VWA1: variants seen among roughly 807,000 people sequenced by gnomAD.
The protein encoded by VWA1 is von Willebrand factor A domain containing 1, also known as von Willebrand factor A domain-containing protein 1.
VWA1 carries 12 observed loss-of-function variants against 14.9 expected under a neutral mutation model. The ratio of observed to expected loss-of-function variants is 0.80; its 90% confidence interval spans 0.52 to 1.30. The LOEUF is 1.30. VWA1 is among the 50% of genes most tolerant of loss of function. VWA1 has a pLI of 0.00. For missense variants in VWA1, 800 were observed against 649.1 expected (o/e 1.23, Z -2.53); for synonymous variants, 368 against 310.7 (o/e 1.18, Z -1.94).
In VWA1 at chr1:1,435,690, A is replaced by C. The variant is rs1638520233; in HGVS notation, c.-59A>C. 3.0e-5 allele frequency: 34 copies of C among 1,133,824 alleles called. No homozygotes were observed. The South Asian group carries it at 7.1e-4, about 24-fold the overall frequency. 70.2% of individuals were successfully genotyped at this position (1,133,824 alleles called of 1,614,324 possible). ...TGGTCCGCGCGGTGACGCGCCCTGC[A>C]GCCCCGAGCGAGCGAGCGAGCGAGC... is the stretch of plus-strand genomic sequence containing the variant. On this transcript the variant is annotated 5_prime_UTR_variant, in exon 1 of 3. Transcript: ENST00000476993.
chr1:1,439,695 TC>T lies in VWA1; in HGVS notation c.1248del (p.Ala417ProfsTer122). ...AFRSGRESALSAKACTPDGPR... is the reference protein window; with the variant it reads ...AFRSGRESALXAKACTPDGPR... ...CCGCTCGGGCCGCGAGAGCGCGCTGTCCGCCAAGGCCTGCACGCCCGACGGC... is the reference window on the plus strand; with the variant it reads ...CCGCTCGGGCCGCGAGAGCGCGCTGTCGCCAAGGCCTGCACGCCCGACGGC... On this transcript the variant is annotated frameshift_variant, in exon 3 of 3. Coordinates refer to ENST00000476993, the MANE Select transcript of VWA1 (RefSeq NM_022834.5). LOFTEE classifies it low-confidence loss of function (END_TRUNC). 7.9e-7 allele frequency: 1 copy of T among 1,267,236 alleles called. No individual in the cohort carries two copies. Among genetic ancestry groups the T allele is most frequent in the Non-Finnish European group, 1.0e-6 (1 of 996,848 alleles). The allele number at this position is 1,267,236 out of a possible 1,614,324, so 78.5% of individuals were successfully genotyped here. A position where few individuals can be genotyped will look rare whatever the true frequency, so the allele number is the denominator to read the frequency against.
chr1:1,438,454 A>T (rs918269834), intron 2 of VWA1, among the ~76,000 whole-genome samples: 1 of 152,196 alleles, frequency 6.6e-6, no homozygotes, highest in Non-Finnish European at 1.5e-5. Flanking sequence ...GGCACCCAGC[A>T]CTGCAGGAGG....
intron 1 of VWA1, among the ~76,000 whole-genome samples, chr1:1,436,404 AT>A (rs1344818460): frequency 2.6e-5 from 4 of 152,052 alleles, no homozygotes; most frequent in Admixed American, 2.6e-4. Flanking sequence ...AGGGGCCACC[AT>A]CTAGTAAGCG....
Position 1,437,120 on chromosome 1 carries a change from C to T in VWA1, c.267C>T (p.Gly89=). 6.2e-7 allele frequency: 1 copy of T among 1,605,892 alleles called. No individual in the cohort carries two copies. Among genetic ancestry groups the T allele is most frequent in the Non-Finnish European group, 8.5e-7 (1 of 1,175,090 alleles). Residue 89 remains glycine, a synonymous_variant, in exon 2 of 3, where the codon GGC becomes GGT. Coordinates refer to ENST00000476993, the MANE Select transcript of VWA1 (RefSeq NM_022834.5). ...GSRPYTEFPF[G]QHSSGEAAQD... is the part of the protein sequence containing the mutation. ...GGCCATACACCGAGTTCCCCTTCGG[C>T]CAGCACAGCTCGGGTGAGGCTGCCC... is the stretch of plus-strand genomic sequence containing the variant.
rs761342920 is a variant in VWA1, at chr1:1,439,222, G to C, written c.773G>C (p.Arg258Pro). Reference protein sequence around the residue: ...VPSAQPGAARRQQLPGNATDW... With the variant: ...VPSAQPGAARPQQLPGNATDW... The stretch of plus-strand genomic sequence containing the variant: ...AGCGCCCAGCCGGGGGCTGCAAGAC[G>C]CCAGCAGCTGCCAGGGAACGCCACG... Residue 258 changes from arginine to proline, a missense_variant, in exon 3 of 3, where the codon CGC becomes CCC. Transcript: ENST00000476993. 1 of 1,607,034 alleles carries C rather than the reference G, an allele frequency of 6.2e-7. No individual in the cohort carries two copies. Among genetic ancestry groups the C allele is most frequent in the Non-Finnish European group, 8.5e-7 (1 of 1,179,008 alleles).
Position 1,437,063 on chromosome 1 carries a change from C to A in VWA1, c.210C>A (p.Ala70=). Residue 70 remains alanine, a synonymous_variant, in exon 2 of 3, where the codon GCC becomes GCA. Coordinates refer to ENST00000476993, the MANE Select transcript of VWA1 (RefSeq NM_022834.5). ...LVAPLPLGTG[A]LRASLVHVGS... is the part of the protein sequence containing the mutation. ...CTCCACTGCCCCTGGGCACCGGGGC[C>A]CTGCGTGCCAGTCTGGTGCACGTGG... is the stretch of plus-strand genomic sequence containing the variant. 1 of 1,610,384 alleles carries A rather than the reference C, an allele frequency of 6.2e-7. No individual in the cohort carries two copies. The highest frequency in any genetic ancestry group is 8.5e-7 in the Non-Finnish European group (1 of 1,178,652).
Position 1,439,385 on chromosome 1 carries a change from C to T in VWA1, c.936C>T (p.Gly312=). 1 of 1,486,718 alleles carries T rather than the reference C, an allele frequency of 6.7e-7. No homozygotes were observed. The highest frequency in any genetic ancestry group is 8.9e-7 in the Non-Finnish European group (1 of 1,125,668). 92.1% of individuals were successfully genotyped at this position (1,486,718 alleles called of 1,614,324 possible). Residue 312 remains glycine, a synonymous_variant, in exon 3 of 3, where the codon GGC becomes GGT. Coordinates refer to ENST00000476993, the MANE Select transcript of VWA1 (RefSeq NM_022834.5). ...RPGEAGPGAS[G]PESGAGPAPT... is the part of the protein sequence containing the mutation. ...GTGAGGCAGGGCCGGGGGCTTCGGG[C>T]CCGGAGTCGGGGGCTGGGCCGGCCC...
Position 1,435,773 on chromosome 1 carries a change from C to T in VWA1, c.25C>T (p.Leu9=). 2 of 1,226,622 alleles carry T rather than the reference C, an allele frequency of 1.6e-6. No individual in the cohort carries two copies. The highest frequency in any genetic ancestry group is 2.0e-6 in the Non-Finnish European group (2 of 977,982). 76.0% of individuals were successfully genotyped at this position (1,226,622 alleles called of 1,614,324 possible). A position where few individuals can be genotyped will look rare whatever the true frequency, so the allele number is the denominator to read the frequency against. The change falls in exon 1 of 3, where the codon CTG becomes TTG. Residue 9 remains leucine, a synonymous_variant. Transcript: ENST00000476993. ...GATGCTCCCCTGGACGGCGCTCGGC[C>T]TGGCCCTGAGCTTGCGGCTGGCGCT... The part of the protein sequence containing the change: MLPWTALG[L]ALSLRLALAR...
intron 1 of VWA1, 55 bp downstream of exon 1, chr1:1,435,876 C>A: frequency 9.6e-7 from 1 of 1,047,094 alleles, no homozygotes; most frequent in Non-Finnish European, 1.2e-6. Context: ...CCGCTCTGCG[C>A]CGCTGCCCGC....
At chr1:1,437,562 G>A (rs374835332) in intron 2 of VWA1, 78 bp downstream of exon 2, 2 of 1,516,286 alleles carry the variant, frequency 1.3e-6, no homozygotes, top group East Asian at 2.3e-5. Flanking sequence ...ACTTTGGGAA[G>A]ATCTCATGTC....
In VWA1 at chr1:1,439,811, A is replaced by T. The variant is rs1166357406; in HGVS notation, c.*24A>T. On this transcript the variant is annotated 3_prime_UTR_variant, in exon 3 of 3. Coordinates refer to ENST00000476993, the MANE Select transcript of VWA1 (RefSeq NM_022834.5). ...AAGCCGGCGTCCCCGCCCAGCCGAG[A>T]GGGCCGGCGCCTACCTGAGGGCCCC... The T allele has an allele frequency of 1.9e-6, 2 of 1,065,122 alleles. No homozygotes were observed. The highest frequency in any genetic ancestry group is 1.7e-5 in the African/African-American group (1 of 58,174). The allele number at this position is 1,065,122 out of a possible 1,614,324, so 66.0% of individuals were successfully genotyped here.
rs1358511818 is a variant in VWA1, at chr1:1,440,580, CT to C, written c.*794del. 1 of 166,884 alleles carries C rather than the reference CT, an allele frequency of 6.0e-6. No homozygotes were observed. The highest frequency in any genetic ancestry group is 1.5e-5 in the Non-Finnish European group (1 of 68,130). The allele number at this position is 166,884 out of a possible 1,614,324, so 10.3% of individuals were successfully genotyped here. Reference sequence around the variant, plus strand: ...ACACCATCTTCTTGCTGTGAGAGGTCTCACCCCGGGCTACCTCCTGTCACTA... The same window carrying C: ...ACACCATCTTCTTGCTGTGAGAGGTCCACCCCGGGCTACCTCCTGTCACTA... On this transcript the variant is annotated 3_prime_UTR_variant, in exon 3 of 3. Coordinates refer to ENST00000476993, the MANE Select transcript of VWA1 (RefSeq NM_022834.5).
In VWA1 at chr1:1,440,712, C is replaced by T. The variant is rs566660649; in HGVS notation, c.*925C>T. ...CGGCGTCACGCAATGCTCACCTCGC[C>T]TCTTCCCCACTAACATCCCAGACTT... On this transcript the variant is annotated 3_prime_UTR_variant, in exon 3 of 3. Coordinates refer to ENST00000476993, the MANE Select transcript of VWA1 (RefSeq NM_022834.5). 1.2e-5 allele frequency: 2 copies of T among 166,614 alleles called. No homozygotes were observed. Among genetic ancestry groups the T allele is most frequent in the Non-Finnish European group, 2.9e-5 (2 of 68,140 alleles). The allele number at this position is 166,614 out of a possible 1,614,324, so 10.3% of individuals were successfully genotyped here.
At position 1,439,920 on chromosome 1, in the gene VWA1, C is replaced by G. The variant is rs1469114702; in HGVS notation, c.*133C>G. On this transcript the variant is annotated 3_prime_UTR_variant, in exon 3 of 3. Coordinates refer to ENST00000476993, the MANE Select transcript of VWA1 (RefSeq NM_022834.5). ...TTCCCCACGCGGACTCCGCGCGACCCCGGCCCTCTCCCTGCGGCCGCAGGG... is the reference window on the plus strand; with the variant it reads ...TTCCCCACGCGGACTCCGCGCGACCGCGGCCCTCTCCCTGCGGCCGCAGGG... 3.0e-6 allele frequency: 3 copies of G among 988,620 alleles called. No individual in the cohort carries two copies. In the East Asian group the frequency reaches 2.6e-4, roughly 86 times the overall value. The allele number at this position is 988,620 out of a possible 1,614,324, so 61.2% of individuals were successfully genotyped here. A position where few individuals can be genotyped will look rare whatever the true frequency, so the allele number is the denominator to read the frequency against.
chr1:1,438,447 A>G (rs927386995), intron 2 of VWA1, among the ~76,000 whole-genome samples: 10 of 152,160 alleles, frequency 6.6e-5, no homozygotes, highest in African/African-American at 2.4e-4. Flanking sequence ...TGGCCCAGGC[A>G]CCCAGCACTG....
chr1:1,439,045 T>C, intron 2 of VWA1, 36 bp from the exon 3 acceptor site: 1 of 1,582,334 alleles, frequency 6.3e-7, no homozygotes, highest in Non-Finnish European at 8.5e-7. Context: ...GAGGAGGAAC[T>C]GACCGCTGTT....
At position 1,439,995 on chromosome 1, in the gene VWA1, A is replaced by G. The variant is rs2100456568; in HGVS notation, c.*208A>G. On this transcript the variant is annotated 3_prime_UTR_variant, in exon 3 of 3. Transcript: ENST00000476993. ...CAGGGCTGGGGCCTCGCCTGGCGGG[A>G]CCCCGCAGCAGCCCCGGCCCCATCC... is the stretch of plus-strand genomic sequence containing the variant. The G allele has an allele frequency of 2.2e-6, 1 of 460,922 alleles. No homozygotes were observed. Among genetic ancestry groups the G allele is most frequent in the Middle Eastern group, 1.0e-3 (1 of 1,002 alleles). 28.6% of individuals were successfully genotyped at this position (460,922 alleles called of 1,614,324 possible).
At position 1,437,063 on chromosome 1, in the gene VWA1, C is replaced by T; in HGVS notation, c.210C>T (p.Ala70=). The change falls in exon 2 of 3, where the codon GCC becomes GCT. Residue 70 remains alanine (A), a synonymous_variant. Transcript: ENST00000476993. Reference sequence around the variant, plus strand: ...CTCCACTGCCCCTGGGCACCGGGGCCCTGCGTGCCAGTCTGGTGCACGTGG... The same window carrying T: ...CTCCACTGCCCCTGGGCACCGGGGCTCTGCGTGCCAGTCTGGTGCACGTGG... The part of the protein sequence containing the change: ...LVAPLPLGTG[A]LRASLVHVGS... 6.2e-7 allele frequency: 1 copy of T among 1,610,384 alleles called. No individual in the cohort carries two copies. The highest frequency in any genetic ancestry group is 8.5e-7 in the Non-Finnish European group (1 of 1,178,652).
rs1485533582 is a variant in VWA1, at chr1:1,442,336, A to G, written c.*2549A>G. 1.3e-5 allele frequency: 2 copies of G among 152,304 alleles called. No homozygotes were observed. The allele number at this position is 152,304 out of a possible 1,614,324, so 9.4% of individuals were successfully genotyped here. A position where few individuals can be genotyped will look rare whatever the true frequency, so the allele number is the denominator to read the frequency against. On this transcript the variant is annotated 3_prime_UTR_variant, in exon 3 of 3. Coordinates refer to ENST00000476993, the MANE Select transcript of VWA1 (RefSeq NM_022834.5). ...ATGCACCTGGAAATCGGGAAGGGCC[A>G]TGCTGCAGTTGCTTCTAGTTGAGAC...
Sources: gnomAD v4.1 joint callset for allele counts (sites outside exome capture counted in the v4.1 genomes callset) on GRCh38, gnomAD v4.1.1 for gene constraint, MANE v1.5 for transcripts, NCBI Gene and HGNC (gene_info 2026-07-23, HGNC 2026-07-21) for gene names.